SHROOM4: variants seen among roughly 807,000 people sequenced by gnomAD.
The protein encoded by SHROOM4 is protein Shroom4.
In SHROOM4, 17 loss-of-function variants were observed where a neutral mutation model predicts 80.3. That is an observed-to-expected ratio of 0.21 (90% CI 0.14 to 0.32). The LOEUF (loss-of-function observed/expected upper bound fraction) is 0.32, where lower values mean the gene tolerates loss of function less well. SHROOM4 is among the 10% of genes least tolerant of loss of function. The pLI is 1.00. For missense variants in SHROOM4, 993 were observed against 1,140.3 expected, an observed-to-expected ratio of 0.87 and a Z score of 1.86; for synonymous variants, 400 against 437.5, an observed-to-expected ratio of 0.91 and a Z score of 1.07.
chrX:50,715,009 C>T (rs1313268370), intron 1 of SHROOM4, among the ~76,000 whole-genome samples: 2 of 111,893 alleles, frequency 1.8e-5, no homozygotes, highest in African/African-American at 6.5e-5. Context: ...GAAAAAAGTT[C>T]ATTACACTGT....
chrX:50,581,788 C>T, the SHROOM4 span, among the ~76,000 whole-genome samples: 18 of 111,990 alleles, frequency 1.6e-4, 1 homozygote, highest in South Asian at 7.5e-4. Context: ...ACTACTGAAA[C>T]CATGCAAACC....
intron 2 of SHROOM4, among the ~76,000 whole-genome samples, chrX:50,653,711 A>G (rs1344622938): frequency 8.9e-6 from 1 of 111,777 alleles, no homozygotes; most frequent in Non-Finnish European, 1.9e-5. Flanking sequence ...TTTGTCATAT[A>G]TAGCTCTTAC....
rs1928768718 is a variant in SHROOM4, at chrX:50,586,866, A to AGC, written c.*9828_*9829insGC. On this transcript the variant is annotated 3_prime_UTR_variant, in exon 9 of 9. Transcript: ENST00000376020. ...TGTTTTGACATCCATTACATAGTGA[A>AGC]ATGATTGCTACAGTCATGCAAATTA... is the stretch of plus-strand genomic sequence containing the variant. Among the ~76,000 whole-genome samples the AGC allele has an allele frequency of 2.7e-5, 3 of 111,202 alleles. No individual in the cohort carries two copies. The highest frequency in any genetic ancestry group is 9.5e-5 in the Admixed American group (1 of 10,511).
chrX:50,738,327 C>T (rs5961204), intron 1 of SHROOM4, among the ~76,000 whole-genome samples: 3 of 110,491 alleles, frequency 2.7e-5, no homozygotes, highest in Non-Finnish European at 3.8e-5. Flanking sequence ...AGTTCTGGCC[C>T]GGGCAATCAC....
intron 1 of SHROOM4, among the ~76,000 whole-genome samples, chrX:50,750,087 T>A (rs1434678562): frequency 1.8e-5 from 2 of 111,572 alleles, no homozygotes; most frequent in African/African-American, 6.5e-5. Flanking sequence ...CTTCTAGGAA[T>A]GGAATGATTG....
At chrX:50,618,262 TTCTTC>T (rs1366550710) in intron 5 of SHROOM4, among the ~76,000 whole-genome samples, 5 of 106,797 alleles carry the variant, frequency 4.7e-5, no homozygotes, top group African/African-American at 1.7e-4. Flanking sequence ...TTTCTTTCTT[TTCTTC>T]TCTTCTCTTC....
At chrX:50,683,193 T>A (rs1932980509) in intron 2 of SHROOM4, among the ~76,000 whole-genome samples, 1 of 111,582 alleles carries the variant, frequency 9.0e-6, no homozygotes, top group African/African-American at 3.3e-5. Flanking sequence ...TGCATATATA[T>A]ATCCTATTAG....
chrX:50,618,420 C>CT lies in SHROOM4; in HGVS notation c.2957+9193dup, dbSNP rs1178825127. On this transcript the variant is annotated intron_variant, in intron 5 of 8. Coordinates refer to ENST00000376020, the MANE Select transcript of SHROOM4 (RefSeq NM_020717.5). ...CCTTCCTTCCTTCCTTCCTTCCTTC[C>CT]TTTCTTATTTTTGAGACAGTGTCTT... is the stretch of plus-strand genomic sequence containing the variant. Among the ~76,000 whole-genome samples, 26 of 80,590 alleles carry CT rather than the reference C, an allele frequency of 3.2e-4. 2 individuals carry two copies. The highest frequency in any genetic ancestry group is 1.8e-3 in the Admixed American group (13 of 7,336). 70.0% of individuals were successfully genotyped at this position (80,590 alleles called of 115,157 possible).
intron 1 of SHROOM4, among the ~76,000 whole-genome samples, chrX:50,755,491 C>T (rs1470510540): frequency 9.0e-6 from 1 of 111,568 alleles, no homozygotes; most frequent in Non-Finnish European, 1.9e-5. Flanking sequence ...TCATGTGGCA[C>T]ATTAAACATA....
chrX:50,675,201 C>T (rs1932840144), intron 2 of SHROOM4, among the ~76,000 whole-genome samples: 1 of 110,896 alleles, frequency 9.0e-6, no homozygotes, highest in South Asian at 3.8e-4. Context: ...AGGGAGAGAT[C>T]AACAAAAATA....
intron 2 of SHROOM4, among the ~76,000 whole-genome samples, chrX:50,685,887 AAAGAG>A (rs1275572201): frequency 8.9e-6 from 1 of 112,266 alleles, no homozygotes; most frequent in Admixed American, 9.4e-5. Context: ...ACATTTAAGA[AAAGAG>A]AAATGAATGA....
chrX:50,711,826 T>C (rs1933825817), intron 1 of SHROOM4, among the ~76,000 whole-genome samples: 1 of 112,157 alleles, frequency 8.9e-6, no homozygotes. Context: ...AGTAAAAAAT[T>C]TGGATTTTTA....
chrX:50,673,522 C>A (rs187422767), intron 2 of SHROOM4, among the ~76,000 whole-genome samples: 11 of 103,421 alleles, frequency 1.1e-4, no homozygotes, highest in Admixed American at 5.9e-4. Flanking sequence ...AAAGAGAAAA[C>A]AAAACAAGAT....
intron 2 of SHROOM4, among the ~76,000 whole-genome samples, chrX:50,689,816 T>G (rs1933175613): frequency 8.9e-6 from 1 of 112,166 alleles, no homozygotes; most frequent in Non-Finnish European, 1.9e-5. Flanking sequence ...TGTAATGAAT[T>G]GTTACTGTCC....
intron 1 of SHROOM4, among the ~76,000 whole-genome samples, chrX:50,771,491 C>G (rs370220855): frequency 8.9e-6 from 1 of 112,145 alleles, no homozygotes; most frequent in Admixed American, 9.5e-5. Context: ...TTGTGTGTAT[C>G]TGTTCATCTA....
chrX:50,624,634 AC>A (rs1206426831), intron 5 of SHROOM4, among the ~76,000 whole-genome samples: 2 of 93,054 alleles, frequency 2.1e-5, no homozygotes, highest in African/African-American at 8.1e-5. Flanking sequence ...TTTTTTTGAG[AC>A]AGGGTCTCGC....
At chrX:50,695,431 T>C (rs782642383) in intron 2 of SHROOM4, among the ~76,000 whole-genome samples, 7 of 111,940 alleles carry the variant, frequency 6.3e-5, no homozygotes, top group Non-Finnish European at 1.3e-4. Flanking sequence ...TAAGTCTCCA[T>C]TGATATGTGG....
At chrX:50,620,975 G>A (rs782224170) in intron 5 of SHROOM4, among the ~76,000 whole-genome samples, 8 of 111,069 alleles carry the variant, frequency 7.2e-5, no homozygotes, top group Non-Finnish European at 1.3e-4. Context: ...ATTACATTTT[G>A]TTGTACAAAG....
intron 2 of SHROOM4, chrX:50,649,670 C>A (rs781827924): frequency 2.7e-5 from 3 of 111,796 alleles, no homozygotes; most frequent in African/African-American, 9.8e-5. Context: ...ACTAAAATTG[C>A]AATGATACAG....
Sources: allele counts gnomAD v4.1 joint callset (sites outside exome capture counted in the v4.1 genomes callset), GRCh38; gene constraint gnomAD v4.1.1; transcripts MANE v1.5; gene names NCBI Gene and HGNC (gene_info 2026-07-23, HGNC 2026-07-21).